Variants in CNTNAP3 observed in about 807,000 individuals in gnomAD.
The protein encoded by CNTNAP3 is contactin-associated protein-like 3.
In CNTNAP3, 36 loss-of-function variants were observed where a neutral mutation model predicts 92.1. That is an observed-to-expected ratio of 0.39 (90% CI 0.30 to 0.52). CNTNAP3 has a LOEUF of 0.52. Among genes scored for constraint, CNTNAP3 ranks in the 20% least tolerant of loss-of-function variants. The pLI, the probability that CNTNAP3 is intolerant of heterozygous loss-of-function variation, is 0.76. For missense variants in CNTNAP3, 534 were observed against 1,069.6 expected (o/e 0.50, Z 6.98); for synonymous variants, 232 against 422.3 (o/e 0.55, Z 5.53).
At chr9:39,098,251 T>C (rs1453260146) in intron 18 of CNTNAP3, among the ~76,000 whole-genome samples, 1 of 147,884 alleles carries the variant, frequency 6.8e-6, no homozygotes, top group Non-Finnish European at 1.5e-5. Context: ...GATATTTTAA[T>C]TTTATATCAA....
At chr9:39,161,656 C>T (rs1587739504) in intron 9 of CNTNAP3, among the ~76,000 whole-genome samples, 1 of 124,414 alleles carries the variant, frequency 8.0e-6, no homozygotes, top group Non-Finnish European at 1.7e-5. Context: ...TCTCTACAAA[C>T]AATAATAATA....
intron 13 of CNTNAP3, among the ~76,000 whole-genome samples, chr9:39,125,479 C>T (rs1031426022): frequency 3.9e-5 from 6 of 152,022 alleles, no homozygotes; most frequent in Non-Finnish European, 5.9e-5. Context: ...GCATGTTGTG[C>T]ACATGTACCC....
intron 13 of CNTNAP3, among the ~76,000 whole-genome samples, chr9:39,127,796 G>A (rs1821184771): frequency 1.3e-5 from 2 of 151,744 alleles, no homozygotes; most frequent in African/African-American, 2.4e-5. Flanking sequence ...AAAATCTCTT[G>A]GCCCAGATGG....
chr9:39,139,748 CTT>C (rs58793932), intron 12 of CNTNAP3: 1,770 of 138,120 alleles, frequency 0.013, 28 homozygotes, highest in African/African-American at 0.042. Flanking sequence ...TCTTTTTTTC[CTT>C]TTTTTTTTTT....
In CNTNAP3 at chr9:39,217,958, TACCA is replaced by T. The variant is rs1349130174; in HGVS notation, c.390+21031_390+21034del. ...GCCACTTGGGTTCAAATTATTGTGCTACCACTAACTAGCTCTATAATTGGGGCAA... is the reference window on the plus strand; with the variant it reads ...GCCACTTGGGTTCAAATTATTGTGCTCTAACTAGCTCTATAATTGGGGCAA... On this transcript the variant is annotated intron_variant, in intron 3 of 23. Coordinates refer to ENST00000297668, the MANE Select transcript of CNTNAP3 (RefSeq NM_033655.5). Among the ~76,000 whole-genome samples the T allele has an allele frequency of 7.9e-4, 4 of 5,066 alleles. 2 individuals are homozygous for T. The highest frequency in any genetic ancestry group is 1.2e-3 in the African/African-American group (4 of 3,430). The allele number at this position is 5,066 out of a possible 152,430, so 3.3% of individuals were successfully genotyped here.
At chr9:39,153,707 C>T (rs1283055598) in intron 9 of CNTNAP3, among the ~76,000 whole-genome samples, 3 of 51,380 alleles carry the variant, frequency 5.8e-5, no homozygotes, top group African/African-American at 1.8e-4. Context: ...TACAGGCTCC[C>T]GCCACCATGC....
intron 13 of CNTNAP3, among the ~76,000 whole-genome samples, chr9:39,118,534 TAG>T (rs1820917679): frequency 6.6e-6 from 1 of 152,162 alleles, no homozygotes; most frequent in Admixed American, 6.5e-5. Context: ...ATACTTTCTA[TAG>T]AAATAACATT....
intron 12 of CNTNAP3, among the ~76,000 whole-genome samples, chr9:39,138,452 A>AAAAAC (rs3071890): frequency 2.1e-4 from 32 of 152,340 alleles, no homozygotes; most frequent in East Asian, 3.9e-4. Flanking sequence ...TCTGAAAACA[A>AAAAAC]AAAACAAAAC....
chr9:39,085,611 C>A (rs1826046751), intron 21 of CNTNAP3, 125 bp downstream of exon 21: 1 of 819,834 alleles, frequency 1.2e-6, no homozygotes, highest in Non-Finnish European at 2.0e-6. Flanking sequence ...ACAGTTTGCA[C>A]CTTGATTGTC....
chr9:39,133,404 T>C (rs2118053549), intron 12 of CNTNAP3, among the ~76,000 whole-genome samples: 1 of 152,156 alleles, frequency 6.6e-6, no homozygotes, highest in Non-Finnish European at 1.5e-5. Flanking sequence ...TTTTAGTTGT[T>C]AAAACCATTT....
chr9:39,087,043 G>A (rs967665528), intron 19 of CNTNAP3, among the ~76,000 whole-genome samples, 194 bp from the exon 20 acceptor site: 18 of 152,070 alleles, frequency 1.2e-4, no homozygotes, highest in African/African-American at 4.1e-4. Flanking sequence ...CAGACTCTGA[G>A]TCCAATGATG....
Position 39,135,300 on chromosome 9 carries a change from T to C in CNTNAP3, c.1877-2165A>G, listed in dbSNP as rs549791752. 2.4e-3 allele frequency among the ~76,000 whole-genome samples: 369 copies of C among 152,060 alleles called. 1 individual carries two copies. The highest frequency in any genetic ancestry group is 2.6e-3 in the Non-Finnish European group (179 of 67,994). ...TTTTTCTTTTTTATTAGAGATAGGG[T>C]CTCCCTCTGTTGCCCAGCTTGGAGT... On this transcript the variant is annotated intron_variant, in intron 12 of 23. Coordinates refer to ENST00000297668, the MANE Select transcript of CNTNAP3 (RefSeq NM_033655.5).
intron 14 of CNTNAP3, among the ~76,000 whole-genome samples, chr9:39,110,959 G>C (rs1344131263): frequency 6.6e-6 from 1 of 151,892 alleles, no homozygotes; most frequent in Non-Finnish European, 1.5e-5. Flanking sequence ...TCTTTTGTAT[G>C]CATTTGTGGC....
chr9:39,141,942 T>G (rs1328689699), intron 11 of CNTNAP3, among the ~76,000 whole-genome samples: 1 of 152,180 alleles, frequency 6.6e-6, no homozygotes, highest in Non-Finnish European at 1.5e-5. Context: ...TGATACATGT[T>G]ATACAATTAG....
In CNTNAP3 at chr9:39,082,404, G is replaced by A. The variant is rs150960671; in HGVS notation, c.3442+3332C>T. On this transcript the variant is annotated intron_variant, in intron 21 of 23. Transcript: ENST00000297668. ...AAGAGAATCTTGATGATAACTTAGT[G>A]CAGCCTCCTCATTTTACCAATAAAG... Among the ~76,000 whole-genome samples the A allele has an allele frequency of 1.7e-3, 260 of 151,972 alleles. 2 individuals carry two copies. Among genetic ancestry groups the A allele is most frequent in the African/African-American group, 6.1e-3 (253 of 41,452 alleles).
chr9:39,084,046 TG>T (rs952533395), intron 21 of CNTNAP3, among the ~76,000 whole-genome samples: 6 of 151,946 alleles, frequency 3.9e-5, no homozygotes, highest in East Asian at 3.9e-4. Flanking sequence ...TAAATTAGGC[TG>T]GATATGAGCA....
intron 19 of CNTNAP3, among the ~76,000 whole-genome samples, chr9:39,088,196 C>T (rs1489711905): frequency 6.6e-6 from 1 of 151,804 alleles, no homozygotes; most frequent in Non-Finnish European, 1.5e-5. Flanking sequence ...TGCATATCAA[C>T]TCCGTAAAAT....
At chr9:39,081,995 G>GAGA (rs1213979398) in intron 21 of CNTNAP3, among the ~76,000 whole-genome samples, 1 of 151,244 alleles carries the variant, frequency 6.6e-6, no homozygotes, top group Non-Finnish European at 1.5e-5. Context: ...GCTGAGGCAG[G>GAGA]AGAATGGCGT....
At chr9:39,103,028 T>C (rs1230858619) in intron 16 of CNTNAP3, among the ~76,000 whole-genome samples, 12 of 152,082 alleles carry the variant, frequency 7.9e-5, no homozygotes, top group Admixed American at 7.8e-4. Flanking sequence ...GTATTTGTTT[T>C]TGAGGTTTCA....
Sources: gnomAD v4.1 joint callset for allele counts (sites outside exome capture counted in the v4.1 genomes callset) on GRCh38, gnomAD v4.1.1 for gene constraint, MANE v1.5 for transcripts, NCBI Gene and HGNC (gene_info 2026-07-23, HGNC 2026-07-21) for gene names.